The following GPBP1 variants were observed in gnomAD, a reference collection of about 807,000 sequenced individuals.
GPBP1 encodes the protein GC-rich promoter binding protein 1, also known as vasculin.
GPBP1 carries 13 observed loss-of-function variants against 56.5 expected under a neutral mutation model. That is an observed-to-expected ratio of 0.23 (90% confidence interval 0.15 to 0.37). The LOEUF (loss-of-function observed/expected upper bound fraction) is 0.37. Ranked by LOEUF, GPBP1 falls within the 10% of genes least tolerant of loss-of-function variation. GPBP1 has a pLI of 1.00. For synonymous variants in GPBP1, 204 were observed against 188.9 expected, an observed-to-expected ratio of 1.08 and a Z score of -0.66; for missense variants, 477 against 572.3, an observed-to-expected ratio of 0.83 and a Z score of 1.70.
chr5:57,216,118 G>C (rs569232907), intron 3 of GPBP1, among the ~76,000 whole-genome samples: 8 of 152,316 alleles, frequency 5.3e-5, no homozygotes, highest in Non-Finnish European at 8.8e-5. Flanking sequence ...TGATGAACCT[G>C]GGGTAGAGCC....
At chr5:57,228,532 C>T (rs1490735872) in intron 3 of GPBP1, among the ~76,000 whole-genome samples, 6 of 151,590 alleles carry the variant, frequency 4.0e-5, no homozygotes, top group Non-Finnish European at 8.8e-5. Context: ...CCCGGCTGCT[C>T]AGGAGGCTGA....
At chr5:57,212,881 CA>C (rs1755550957) in intron 2 of GPBP1, among the ~76,000 whole-genome samples, 2 of 151,644 alleles carry the variant, frequency 1.3e-5, no homozygotes, top group African/African-American at 4.8e-5. Context: ...CTATGCTGGC[CA>C]GGCTGGTCTT....
chr5:57,255,496 G>A (rs1197590140), intron 10 of GPBP1, among the ~76,000 whole-genome samples: 1 of 152,218 alleles, frequency 6.6e-6, no homozygotes, highest in Admixed American at 6.5e-5. Flanking sequence ...AAAGGGAAAA[G>A]GCCTGTGTGT....
At chr5:57,215,201 T>TA (rs1755651315) in intron 3 of GPBP1, among the ~76,000 whole-genome samples, 1 of 152,224 alleles carries the variant, frequency 6.6e-6, no homozygotes, top group Non-Finnish European at 1.5e-5. Context: ...TGCTGAACAT[T>TA]ATCTAATTTG....
intron 2 of GPBP1, among the ~76,000 whole-genome samples, chr5:57,213,364 TAA>T (rs1273824247): frequency 2.0e-5 from 3 of 152,204 alleles, no homozygotes; most frequent in Admixed American, 2.0e-4. Context: ...GTCTTCCTTC[TAA>T]AACATCATAA....
intron 3 of GPBP1, among the ~76,000 whole-genome samples, chr5:57,216,033 A>T (rs1393074245): frequency 3.3e-5 from 5 of 152,142 alleles, no homozygotes; most frequent in Admixed American, 1.3e-4. Context: ...CCTGAATCTG[A>T]GTTTTTCCAG....
Position 57,241,410 on chromosome 5 carries a change from A to C in GPBP1, c.479-4890A>C, listed in dbSNP as rs546128881. Among the ~76,000 whole-genome samples the C allele has an allele frequency of 7.2e-4, 109 of 152,322 alleles. 1 individual carries two copies. The highest frequency in any genetic ancestry group is 2.6e-3 in the African/African-American group (109 of 41,576). ...GGAAGAGCATGAATAACAAGACAAT[A>C]AAAGTGATATTTAATATTTAAAGTC... On this transcript the variant is annotated intron_variant, in intron 6 of 11. Coordinates refer to ENST00000506184, the MANE Select transcript of GPBP1 (RefSeq NM_022913.4).
chr5:57,209,025 T>C (rs375002858), intron 2 of GPBP1, among the ~76,000 whole-genome samples: 13 of 152,212 alleles, frequency 8.5e-5, no homozygotes, highest in East Asian at 7.7e-4. Context: ...GGTGTGCAAG[T>C]CTTAACATTT....
intron 2 of GPBP1, among the ~76,000 whole-genome samples, chr5:57,196,914 C>T (rs1358625242): frequency 4.6e-5 from 7 of 151,896 alleles, no homozygotes; most frequent in African/African-American, 7.3e-5. Context: ...TCCAAGTAGC[C>T]GGGATTACAG....
At chr5:57,225,068 G>A (rs1477414466) in intron 3 of GPBP1, among the ~76,000 whole-genome samples, 1 of 152,016 alleles carries the variant, frequency 6.6e-6, no homozygotes, top group East Asian at 1.9e-4. Context: ...TTTTTCTTAA[G>A]TGAAGTCACA....
intron 3 of GPBP1, among the ~76,000 whole-genome samples, chr5:57,216,030 C>CT (rs1322966544): frequency 6.6e-6 from 1 of 152,204 alleles, no homozygotes; most frequent in Non-Finnish European, 1.5e-5. Context: ...TAGCCTGAAT[C>CT]TGAGTTTTTC....
chr5:57,216,848 C>G (rs1385874079), intron 3 of GPBP1, among the ~76,000 whole-genome samples: 1 of 144,384 alleles, frequency 6.9e-6, no homozygotes, highest in Non-Finnish European at 1.5e-5. Context: ...TTTTCAAAGC[C>G]TTTTCATATA....
At chr5:57,239,598 T>G (rs1740724305) in intron 6 of GPBP1, among the ~76,000 whole-genome samples, 1 of 151,694 alleles carries the variant, frequency 6.6e-6, no homozygotes, top group South Asian at 2.1e-4. Flanking sequence ...CTGGCCAAAA[T>G]GGTGAAACCC....
intron 2 of GPBP1, among the ~76,000 whole-genome samples, chr5:57,192,866 A>G (rs866411156): frequency 2.5e-4 from 38 of 152,140 alleles, no homozygotes; most frequent in South Asian, 8.3e-4. Flanking sequence ...TACAGTATGT[A>G]TATGTATCCA....
At chr5:57,208,143 T>G (rs1755315677) in intron 2 of GPBP1, among the ~76,000 whole-genome samples, 1 of 152,056 alleles carries the variant, frequency 6.6e-6, no homozygotes, top group Non-Finnish European at 1.5e-5. Context: ...TTCCCAGCGC[T>G]TGCCTGCACA....
chr5:57,229,230 C>CAAAAAAAAAAAAAAAAAAAA (rs543005934), intron 3 of GPBP1, among the ~76,000 whole-genome samples: 10 of 77,424 alleles, frequency 1.3e-4, no homozygotes, highest in East Asian at 4.7e-4. Context: ...GACTCCATCT[C>CAAAAAAAAAAAAAAAAAAAA]AAAAAAAAAA....
intron 2 of GPBP1, among the ~76,000 whole-genome samples, chr5:57,197,571 C>G (rs1754822017): frequency 6.6e-6 from 1 of 152,122 alleles, no homozygotes; most frequent in African/African-American, 2.4e-5. Context: ...GTTGGCCAGG[C>G]TGGTCTAGAA....
chr5:57,242,232 C>G (rs59482223), intron 6 of GPBP1, among the ~76,000 whole-genome samples: 44 of 152,290 alleles, frequency 2.9e-4, no homozygotes, highest in Admixed American at 1.1e-3. Flanking sequence ...GAAATTCTTG[C>G]AAAAGGACAC....
chr5:57,200,234 G>C (rs1360890883), intron 2 of GPBP1, among the ~76,000 whole-genome samples: 1 of 150,460 alleles, frequency 6.6e-6, no homozygotes, highest in Non-Finnish European at 1.5e-5. Flanking sequence ...GATGCAGGCA[G>C]GGAGAAACGG....
Sources: allele counts gnomAD v4.1 joint callset (sites outside exome capture counted in the v4.1 genomes callset), GRCh38; gene constraint gnomAD v4.1.1; transcripts MANE v1.5; gene names NCBI Gene and HGNC (gene_info 2026-07-23, HGNC 2026-07-21).